VTI1A: variants seen among roughly 807,000 people sequenced by gnomAD.
VTI1A encodes vesicle transport through interaction with t-SNAREs homolog 1A.
Under a neutral mutation model 34.9 loss-of-function variants are expected in VTI1A, and 22 were observed. The ratio of observed to expected loss-of-function variants is 0.63; its 90% CI spans 0.45 to 0.90. The LOEUF is 0.90. VTI1A is among the 40% of genes least tolerant of loss of function. The probability of loss-of-function intolerance (pLI) is 0.00; values close to 1 mark genes in which losing one functional copy is unlikely to be tolerated. For missense variants in VTI1A, 268 were observed against 275.6 expected (o/e 0.97, Z 0.20); for synonymous variants, 87 against 97.3 (o/e 0.89, Z 0.62).
intron 5 of VTI1A, among the ~76,000 whole-genome samples, chr10:112,611,862 C>A (rs1472841274): frequency 6.6e-6 from 1 of 151,246 alleles, no homozygotes; most frequent in African/African-American, 2.4e-5. Context: ...CTACCTCAGC[C>A]TCCTGAGTAG....
intron 1 of VTI1A, among the ~76,000 whole-genome samples, chr10:112,451,985 C>G (rs2134013263): frequency 1.3e-5 from 2 of 152,280 alleles, no homozygotes; most frequent in Non-Finnish European, 2.9e-5. Flanking sequence ...ACTTGTTTCT[C>G]TTAAAAGTTT....
intron 7 of VTI1A, among the ~76,000 whole-genome samples, chr10:112,766,926 C>A (rs766576000): frequency 2.6e-5 from 4 of 152,152 alleles, no homozygotes; most frequent in Non-Finnish European, 4.4e-5. Context: ...GAAATAAGAT[C>A]CGTGCCAATT....
At chr10:112,581,859 G>C (rs1042972665) in intron 5 of VTI1A, among the ~76,000 whole-genome samples, 1 of 152,180 alleles carries the variant, frequency 6.6e-6, no homozygotes, top group Admixed American at 6.5e-5. Context: ...TATGTGGAAA[G>C]AAGAAACTTA....
intron 3 of VTI1A, among the ~76,000 whole-genome samples, chr10:112,516,336 A>G (rs1849776801): frequency 6.6e-6 from 1 of 152,108 alleles, no homozygotes; most frequent in South Asian, 2.1e-4. Context: ...AATTAAAGAA[A>G]AATGTGGTAT....
At chr10:112,770,051 C>T (rs1384913051) in intron 7 of VTI1A, among the ~76,000 whole-genome samples, 4 of 151,182 alleles carry the variant, frequency 2.6e-5, no homozygotes, top group South Asian at 4.2e-4. Context: ...ATGTTGGCAA[C>T]GATTTTTTTT....
chr10:112,844,100 A>G, the VTI1A span, among the ~76,000 whole-genome samples: 1 of 152,174 alleles, frequency 6.6e-6, no homozygotes, highest in Non-Finnish European at 1.5e-5. Flanking sequence ...TCATCTGAAA[A>G]AAAAGGGAAA....
Position 112,447,248 on chromosome 10 carries a change from C to T in VTI1A, c.-126C>T, listed in dbSNP as rs977202372. 7 of 994,690 alleles carry T rather than the reference C, an allele frequency of 7.0e-6. No individual in the cohort carries two copies. Among genetic ancestry groups the T allele is most frequent in the Middle Eastern group, 3.3e-4 (1 of 3,076 alleles). 61.6% of individuals were successfully genotyped at this position (994,690 alleles called of 1,614,324 possible). A position where few individuals can be genotyped will look rare whatever the true frequency, so the allele number is the denominator to read the frequency against. The stretch of plus-strand genomic sequence containing the variant: ...AGGAAGCGGCTGGGTTGAGAGCTGT[C>T]CCCGGTTCTCCGTTCTGCTCTCGGG... On this transcript the variant is annotated 5_prime_UTR_variant, in exon 1 of 8. Coordinates refer to ENST00000393077, the MANE Select transcript of VTI1A (RefSeq NM_145206.4).
At chr10:112,479,377 AC>A (rs1848389732) in intron 3 of VTI1A, among the ~76,000 whole-genome samples, 1 of 151,928 alleles carries the variant, frequency 6.6e-6, no homozygotes, top group Non-Finnish European at 1.5e-5. Flanking sequence ...CTCCCACCTT[AC>A]CCCCAACCCC....
chr10:112,470,355 C>T lies in VTI1A; in HGVS notation c.264+5698C>T, dbSNP rs368212891. Among the ~76,000 whole-genome samples the T allele has an allele frequency of 1.3e-3, 195 of 152,186 alleles. 2 individuals carry two copies. The South Asian group carries it at 0.016, about 13-fold the overall frequency. On this transcript the variant is annotated intron_variant, in intron 3 of 7. Transcript: ENST00000393077. Reference sequence around the variant, plus strand: ...AAAACCAAACAAAATGTATTGTGTGCGTAAGTACAGGGGCCACACGCAAAG... The same window carrying T: ...AAAACCAAACAAAATGTATTGTGTGTGTAAGTACAGGGGCCACACGCAAAG...
At chr10:112,518,874 G>A (rs1849907177) in intron 3 of VTI1A, among the ~76,000 whole-genome samples, 1 of 151,716 alleles carries the variant, frequency 6.6e-6, no homozygotes, top group Non-Finnish European at 1.5e-5. Context: ...GGAAGAATAT[G>A]TTATTTATGA....
chr10:112,454,300 A>C (rs970644569), intron 1 of VTI1A, among the ~76,000 whole-genome samples: 3 of 152,218 alleles, frequency 2.0e-5, no homozygotes, highest in Non-Finnish European at 2.9e-5. Context: ...GAATTATACT[A>C]TGCAAAGACT....
intron 7 of VTI1A, among the ~76,000 whole-genome samples, chr10:112,748,687 G>A (rs572427390): frequency 4.8e-5 from 7 of 145,158 alleles, no homozygotes; most frequent in Admixed American, 2.1e-4. Context: ...GTGCAGTGGC[G>A]CGATCTCGGC....
intron 5 of VTI1A, among the ~76,000 whole-genome samples, chr10:112,559,220 T>C (rs1204264950): frequency 6.6e-6 from 1 of 152,214 alleles, no homozygotes; most frequent in South Asian, 2.1e-4. Context: ...GATGAACATA[T>C]AACACATGTT....
chr10:112,714,808 C>T (rs1009769157), intron 7 of VTI1A, among the ~76,000 whole-genome samples: 2 of 152,228 alleles, frequency 1.3e-5, no homozygotes, highest in African/African-American at 4.8e-5. Context: ...GAAAAATCCA[C>T]CATTATATTA....
At chr10:112,596,431 A>C (rs1844648700) in intron 5 of VTI1A, among the ~76,000 whole-genome samples, 1 of 152,142 alleles carries the variant, frequency 6.6e-6, no homozygotes, top group Admixed American at 6.5e-5. Flanking sequence ...GTATACCATA[A>C]ACTTATTTGA....
chr10:112,537,489 G>T (rs1850689757), intron 4 of VTI1A, among the ~76,000 whole-genome samples: 1 of 151,410 alleles, frequency 6.6e-6, no homozygotes, highest in Non-Finnish European at 1.5e-5. Context: ...CTGAGGATTT[G>T]AAGAAAATCC....
intron 5 of VTI1A, among the ~76,000 whole-genome samples, chr10:112,636,136 T>C (rs1564859587): frequency 6.6e-6 from 1 of 152,170 alleles, no homozygotes; most frequent in Non-Finnish European, 1.5e-5. Flanking sequence ...TTGCTCACAG[T>C]AGGCACTCTG....
the VTI1A span, among the ~76,000 whole-genome samples, chr10:112,852,775 TTTTG>T: frequency 3.5e-3 from 534 of 152,168 alleles, 2 homozygotes; most frequent in African/African-American, 0.011. Flanking sequence ...TTTTGTTTTG[TTTTG>T]TTTGTTTGTT....
At chr10:112,732,418 A>G (rs997332279) in intron 7 of VTI1A, among the ~76,000 whole-genome samples, 1 of 152,194 alleles carries the variant, frequency 6.6e-6, no homozygotes, top group Non-Finnish European at 1.5e-5. Context: ...TGTGCCTCTC[A>G]TTATTCCTGC....
Sources: allele counts gnomAD v4.1 joint callset (sites outside exome capture counted in the v4.1 genomes callset), GRCh38; gene constraint gnomAD v4.1.1; transcripts MANE v1.5; gene names NCBI Gene and HGNC (gene_info 2026-07-23, HGNC 2026-07-21).